The following ARL17B variants were observed in gnomAD, a reference collection of about 807,000 sequenced individuals.
ARL17B encodes ADP-ribosylation factor-like protein 17.
chr17:46,286,514 A>G (rs56338532), intron 4 of ARL17B, among the ~76,000 whole-genome samples: 7,084 of 131,502 alleles, frequency 0.054, no homozygotes, highest in Middle Eastern at 0.092. Context: ...AAACAAGTCA[A>G]GCTAGTTTAA....
intron 3 of ARL17B, among the ~76,000 whole-genome samples, chr17:46,315,958 C>A (rs1372968446): frequency 9.6e-5 from 6 of 62,486 alleles, no homozygotes; most frequent in African/African-American, 2.2e-4. Flanking sequence ...GAGTCTCACT[C>A]TGTTGCCCAG....
At chr17:46,277,637 T>TTTTCTTTC (rs112114151) in intron 4 of ARL17B, among the ~76,000 whole-genome samples, 4 of 150,258 alleles carry the variant, frequency 2.7e-5, no homozygotes, top group African/African-American at 7.4e-5. Flanking sequence ...TTTTCTTTTC[T>TTTTCTTTC]TTTCTTTCTT....
intron 4 of ARL17B, chr17:46,292,789 G>A (rs1340226632): frequency 1.3e-5 from 1 of 79,024 alleles, no homozygotes; most frequent in Non-Finnish European, 3.8e-5. Flanking sequence ...TATCTCCCAC[G>A]TATCTTGGGT....
chr17:46,287,309 A>C (rs1373188771), intron 4 of ARL17B, among the ~76,000 whole-genome samples: 1 of 152,256 alleles, frequency 6.6e-6, no homozygotes, highest in Non-Finnish European at 1.5e-5. Flanking sequence ...ACAAAAACCA[A>C]AGCCAAAGAA....
chr17:46,314,920 T>C (rs2050991485), intron 3 of ARL17B, among the ~76,000 whole-genome samples: 1 of 77,560 alleles, frequency 1.3e-5, no homozygotes, highest in East Asian at 2.5e-4. Flanking sequence ...TGGTGTTAAT[T>C]CTTCTTTAAG....
At chr17:46,311,373 T>C (rs968989619) in intron 3 of ARL17B, 1 of 308,790 alleles carries the variant, frequency 3.2e-6, no homozygotes, top group African/African-American at 2.4e-5. Context: ...TTTGACTACC[T>C]TCTTCCATGG....
At chr17:46,289,343 A>G (rs1222065809) in intron 4 of ARL17B, among the ~76,000 whole-genome samples, 2 of 151,492 alleles carry the variant, frequency 1.3e-5, no homozygotes, top group African/African-American at 2.4e-5. Flanking sequence ...ATGCCCAGCT[A>G]CTTTTTTTTT....
chr17:46,287,940 T>G (rs2049962702), intron 4 of ARL17B, among the ~76,000 whole-genome samples: 1 of 152,224 alleles, frequency 6.6e-6, no homozygotes. Context: ...ATAGGCACAG[T>G]GTAGGAACAT....
chr17:46,290,849 C>A (rs2732600), intron 4 of ARL17B, among the ~76,000 whole-genome samples: 21 of 152,188 alleles, frequency 1.4e-4, no homozygotes, highest in African/African-American at 5.1e-4. Context: ...TGATTCCCCA[C>A]GCCAAAATTT....
chr17:46,344,194 AAC>A (rs1458775275), intron 3 of ARL17B, among the ~76,000 whole-genome samples: 1 of 124,338 alleles, frequency 8.0e-6, no homozygotes, highest in Non-Finnish European at 1.6e-5. Context: ...CAGCCTGGAC[AAC>A]AGAGTGAGGC....
chr17:46,276,790 C>CTTTTCTTTTTTTTTTTTTTTTTTTT (rs2049598576), intron 4 of ARL17B, among the ~76,000 whole-genome samples: 2 of 134,320 alleles, frequency 1.5e-5, no homozygotes. Context: ...TTCTTTTTTT[C>CTTTTCTTTTTTTTTTTTTTTTTTTT]TTTTTTTTTT....
intron 4 of ARL17B, among the ~76,000 whole-genome samples, chr17:46,275,894 AT>A (rs149367039): frequency 0.13 from 18,732 of 148,332 alleles, 4 homozygotes; most frequent in Non-Finnish European, 0.19. Flanking sequence ...TTTATTCACA[AT>A]TTTTTTTTTT....
At chr17:46,323,503 TCTC>T (rs1429540510) in intron 3 of ARL17B, among the ~76,000 whole-genome samples, 5 of 93,938 alleles carry the variant, frequency 5.3e-5, no homozygotes, top group African/African-American at 1.7e-4. Context: ...TTCAAGTGGT[TCTC>T]CTGCCTCAGC....
In ARL17B at chr17:46,334,921, A is replaced by G. The variant is rs2052230799; in HGVS notation, c.*4579T>C. ...ACTGTCAACAATGTACAATATGTAT[A>G]CATTTTATTAGTGATGACTTAAATT... On this transcript the variant is annotated 3_prime_UTR_variant, in exon 4 of 4. Coordinates refer to ENST00000450673, the MANE Select transcript of ARL17B (RefSeq NM_001039083.5). The G allele has an allele frequency of 8.1e-6, 1 of 122,816 alleles. No individual in the cohort carries two copies. Among genetic ancestry groups the G allele is most frequent in the Admixed American group, 8.3e-5 (1 of 12,094 alleles). 7.6% of individuals were successfully genotyped at this position (122,816 alleles called of 1,614,324 possible).
intron 4 of ARL17B, among the ~76,000 whole-genome samples, chr17:46,290,846 C>A (rs2957297): frequency 0.098 from 14,102 of 144,076 alleles, no homozygotes; most frequent in Middle Eastern, 0.15. Context: ...ACCTGATTCC[C>A]CACGCCAAAA....
intron 4 of ARL17B, among the ~76,000 whole-genome samples, chr17:46,285,252 T>C (rs1165141612): frequency 6.6e-6 from 1 of 151,318 alleles, no homozygotes; most frequent in African/African-American, 2.4e-5. Context: ...TTTTTTTTTT[T>C]TTTTTTGAGA....
At chr17:46,277,653 C>CTTTCTTTT (rs143961379) in intron 4 of ARL17B, among the ~76,000 whole-genome samples, 92 of 137,298 alleles carry the variant, frequency 6.7e-4, no homozygotes, top group Middle Eastern at 3.9e-3. Flanking sequence ...TTCTTTCTTT[C>CTTTCTTTT]TTTTTTTTTT....
At chr17:46,275,229 A>C in exon 5 of ARL17B, 1 of 374,208 alleles carries the variant, frequency 2.7e-6, no homozygotes, top group South Asian at 3.8e-5. Context: ...AAAATTGGCC[A>C]ATAATATAAT....
At chr17:46,277,619 T>A (rs1212357615) in intron 4 of ARL17B, among the ~76,000 whole-genome samples, 1 of 151,974 alleles carries the variant, frequency 6.6e-6, no homozygotes, top group Non-Finnish European at 1.5e-5. Flanking sequence ...GTTCTCTGGG[T>A]AGATTTCTTT....
Sources: allele counts gnomAD v4.1 joint callset (sites outside exome capture counted in the v4.1 genomes callset), GRCh38; gene constraint gnomAD v4.1.1; transcripts MANE v1.5; gene names NCBI Gene and HGNC (gene_info 2026-07-23, HGNC 2026-07-21).